The following ENOX2 variants were observed in gnomAD, a reference collection of about 807,000 sequenced individuals.
The protein encoded by ENOX2 is ecto-NOX disulfide-thiol exchanger 2.
In ENOX2, 36 loss-of-function variants were observed where a neutral mutation model predicts 45.0. The ratio of observed to expected loss-of-function variants is 0.80; its 90% CI spans 0.61 to 1.06. The LOEUF is 1.06. Ranked by LOEUF, ENOX2 falls within the 50% of genes least tolerant of loss-of-function variation. ENOX2 has a pLI of 0.00. For synonymous variants in ENOX2, 174 were observed against 152.3 expected (o/e 1.14, Z -1.05); for missense variants, 423 against 462.5 (o/e 0.91, Z 0.78).
intron 10 of ENOX2, among the ~76,000 whole-genome samples, chrX:130,638,618 TCAA>T (rs1242061043): frequency 9.0e-6 from 1 of 111,264 alleles, no homozygotes; most frequent in Non-Finnish European, 1.9e-5. Flanking sequence ...ATGTGAAAAA[TCAA>T]CAACTCTTTT....
At chrX:130,876,464 TG>T (rs1366903152) in intron 2 of ENOX2, among the ~76,000 whole-genome samples, 48 of 111,294 alleles carry the variant, frequency 4.3e-4, no homozygotes, top group African/African-American at 1.5e-3. Context: ...TATAGGAAAT[TG>T]GGAGTTAAAG....
intron 6 of ENOX2, among the ~76,000 whole-genome samples, chrX:130,678,911 G>A (rs1222554602): frequency 2.7e-5 from 3 of 111,439 alleles, no homozygotes; most frequent in Non-Finnish European, 3.8e-5. Flanking sequence ...CAGGTTATGT[G>A]CTAGATGCTG....
In ENOX2 at chrX:130,885,309, T is replaced by C. The variant is rs192337378; in HGVS notation, c.-183+16375A>G. Reference sequence around the variant, plus strand: ...AAGCACAGATTCTTTAATCAGATAATGTAACCTGTAAGTTTAGGCTGCACT... The same window carrying C: ...AAGCACAGATTCTTTAATCAGATAACGTAACCTGTAAGTTTAGGCTGCACT... On this transcript the variant is annotated intron_variant, in intron 2 of 14. Transcript: ENST00000394363. 1.8e-3 allele frequency among the ~76,000 whole-genome samples: 200 copies of C among 111,163 alleles called. 1 individual carries two copies. The highest frequency in any genetic ancestry group is 6.0e-3 in the African/African-American group (185 of 30,589).
chrX:130,703,939 C>A (rs2037972473), intron 3 of ENOX2, among the ~76,000 whole-genome samples: 1 of 111,591 alleles, frequency 9.0e-6, no homozygotes, highest in Non-Finnish European at 1.9e-5. Flanking sequence ...CACCTCCACC[C>A]ACTACTACCT....
chrX:130,706,156 T>C (rs1172708716), intron 3 of ENOX2, among the ~76,000 whole-genome samples: 3 of 112,432 alleles, frequency 2.7e-5, no homozygotes, highest in African/African-American at 6.5e-5. Context: ...AGTCTTACTA[T>C]ATGCCATGCT....
At position 130,647,700 on chromosome X, in the gene ENOX2, T is replaced by A. The variant is rs777135786; in HGVS notation, c.1129+8881A>T. On this transcript the variant is annotated intron_variant, in intron 10 of 14. Transcript: ENST00000394363. Reference sequence around the variant, plus strand: ...GATTGAGCAAGGTCTTTTTTATTTATTTTTTTTTGTTGAAATTATTGACCT... The same window carrying A: ...GATTGAGCAAGGTCTTTTTTATTTAATTTTTTTTGTTGAAATTATTGACCT... Among the ~76,000 whole-genome samples the A allele has an allele frequency of 7.2e-5, 8 of 110,884 alleles. No homozygotes were observed. The East Asian group carries it at 2.3e-3, about 31-fold the overall frequency.
At chrX:130,742,901 A>T (rs978320554) in intron 3 of ENOX2, among the ~76,000 whole-genome samples, 1 of 112,208 alleles carries the variant, frequency 8.9e-6, no homozygotes, top group African/African-American at 3.2e-5. Flanking sequence ...CAGAGGCTGG[A>T]GGCTCTGGGA....
In ENOX2 at chrX:130,656,827, G is replaced by A. The variant is rs2036560258; in HGVS notation, c.1015-132C>T. On this transcript the variant is annotated intron_variant, in intron 9 of 14. Coordinates refer to ENST00000394363, the MANE Select transcript of ENOX2 (RefSeq NM_006375.4). The stretch of plus-strand genomic sequence containing the variant: ...AAAAAAATCCTCCAAATACTCTTAA[G>A]GCAAAGAGGCATGTTGAAAGTAAAA... The A allele has an allele frequency of 6.9e-6, 3 of 436,546 alleles. No individual in the cohort carries two copies. In the African/African-American group the frequency reaches 7.5e-5, roughly 11 times the overall value. The allele number at this position is 436,546 out of a possible 1,213,427, so 36.0% of individuals were successfully genotyped here.
intron 3 of ENOX2, among the ~76,000 whole-genome samples, chrX:130,777,493 C>CAA (rs1206232015): frequency 6.4e-5 from 5 of 78,501 alleles, no homozygotes; most frequent in Non-Finnish European, 5.0e-5. Flanking sequence ...CTCTCTCTCT[C>CAA]AAAAAAAAAA....
rs1373438235 is a variant in ENOX2, at chrX:130,880,898, G to A, written c.-183+20786C>T. ...TCCCTTCTGAGGATAACTCACTTTA[G>A]GCCGTTTTTAAAATTTAAATTATCC... is the stretch of plus-strand genomic sequence containing the variant. On this transcript the variant is annotated intron_variant, in intron 2 of 14. Coordinates refer to ENST00000394363, the MANE Select transcript of ENOX2 (RefSeq NM_006375.4). Among the ~76,000 whole-genome samples, 4 of 111,883 alleles carry A rather than the reference G, an allele frequency of 3.6e-5. No homozygotes were observed. The East Asian group carries it at 1.1e-3, about 31-fold the overall frequency.
chrX:130,729,902 G>A (rs1032341270), intron 3 of ENOX2, among the ~76,000 whole-genome samples: 8 of 112,128 alleles, frequency 7.1e-5, no homozygotes, highest in Non-Finnish European at 1.3e-4. Context: ...AGGCTTCCAC[G>A]TGGTCCTCCA....
At chrX:130,795,276 C>A (rs908414529) in intron 2 of ENOX2, among the ~76,000 whole-genome samples, 13 of 111,793 alleles carry the variant, frequency 1.2e-4, no homozygotes, top group African/African-American at 3.3e-4. Context: ...GAAGTCCCTG[C>A]CTAAGCTGAA....
intron 10 of ENOX2, among the ~76,000 whole-genome samples, chrX:130,652,347 C>A (rs1006548095): frequency 8.9e-6 from 1 of 111,898 alleles, no homozygotes; most frequent in African/African-American, 3.2e-5. Context: ...TGTGGATAGT[C>A]CCCCAAATTC....
At chrX:130,659,561 G>C (rs757813407) in intron 9 of ENOX2, among the ~76,000 whole-genome samples, 1 of 112,486 alleles carries the variant, frequency 8.9e-6, no homozygotes, top group African/African-American at 3.2e-5. Context: ...TATCTCAGGA[G>C]TCTGATTTTC....
chrX:130,865,030 T>C (rs1451872424), intron 2 of ENOX2, among the ~76,000 whole-genome samples: 2 of 74,941 alleles, frequency 2.7e-5, no homozygotes, highest in Non-Finnish European at 5.0e-5. Flanking sequence ...ACAACAAAAA[T>C]TGGACACAGA....
chrX:130,765,802 A>T (rs1356553049), intron 3 of ENOX2, among the ~76,000 whole-genome samples: 1 of 111,751 alleles, frequency 8.9e-6, no homozygotes, highest in Non-Finnish European at 1.9e-5. Context: ...AAATGCCAAA[A>T]TTGCTTGCAG....
intron 3 of ENOX2, among the ~76,000 whole-genome samples, chrX:130,777,021 A>G (rs534490669): frequency 1.8e-5 from 2 of 112,134 alleles, no homozygotes; most frequent in South Asian, 3.8e-4. Flanking sequence ...GCATGAGAGA[A>G]GTTAGCATTT....
In ENOX2 at chrX:130,622,736, G is replaced by T. The variant is rs375152954; in HGVS notation, c.*2578C>A. ...CTATGATGGATGAAAAGGTTTGTGA[G>T]AGATGGTATGTGCCACAATTTGATT... On this transcript the variant is annotated 3_prime_UTR_variant, in exon 15 of 15. Transcript: ENST00000394363. Among the ~76,000 whole-genome samples, 10 of 112,175 alleles carry T rather than the reference G, an allele frequency of 8.9e-5. No homozygotes were observed. Among genetic ancestry groups the T allele is most frequent in the African/African-American group, 3.2e-4 (10 of 30,936 alleles).
chrX:130,763,808 T>C (rs2039550366), intron 3 of ENOX2, among the ~76,000 whole-genome samples: 1 of 111,248 alleles, frequency 9.0e-6, no homozygotes, highest in Non-Finnish European at 1.9e-5. Context: ...TCATTAAAGC[T>C]TCATGAAGGT....
Sources: allele counts gnomAD v4.1 joint callset (sites outside exome capture counted in the v4.1 genomes callset), GRCh38; gene constraint gnomAD v4.1.1; transcripts MANE v1.5; gene names NCBI Gene and HGNC (gene_info 2026-07-23, HGNC 2026-07-21).